The following SEMA6D variants were observed in gnomAD, a reference collection of about 807,000 sequenced individuals.
The protein encoded by SEMA6D is semaphorin 6D, also known as semaphorin-6D.
In SEMA6D, 35 loss-of-function variants were observed where a neutral mutation model predicts 106.6. The ratio of observed to expected loss-of-function variants is 0.33; its 90% confidence interval spans 0.25 to 0.44. The LOEUF (loss-of-function observed/expected upper bound fraction) is 0.44. SEMA6D is among the 20% of genes least tolerant of loss of function. SEMA6D has a pLI of 1.00. For synonymous variants in SEMA6D, 499 were observed against 487.7 expected (o/e 1.02, Z -0.31); for missense variants, 1,185 against 1,345.9 (o/e 0.88, Z 1.87).
At chr15:47,698,294 G>A (rs1357749753) in intron 4 of SEMA6D, among the ~76,000 whole-genome samples, 17 of 152,076 alleles carry the variant, frequency 1.1e-4, no homozygotes, top group Non-Finnish European at 2.4e-4. Context: ...ACCAATAAAA[G>A]AGATGAGAAA....
chr15:47,485,360 A>G (rs2043268287), intron 3 of SEMA6D, among the ~76,000 whole-genome samples: 1 of 151,950 alleles, frequency 6.6e-6, no homozygotes, highest in African/African-American at 2.4e-5. Flanking sequence ...GAAGTAGTTA[A>G]TATTTCAGAA....
At chr15:47,751,393 T>C (rs2081426335) in intron 1 of SEMA6D, among the ~76,000 whole-genome samples, 1 of 152,186 alleles carries the variant, frequency 6.6e-6, no homozygotes, top group East Asian at 1.9e-4. Flanking sequence ...TGCTCCTTTT[T>C]TGTTTAGTCT....
At chr15:47,422,164 G>T (rs1396390724) in intron 2 of SEMA6D, among the ~76,000 whole-genome samples, 1 of 94,480 alleles carries the variant, frequency 1.1e-5, no homozygotes, top group Non-Finnish European at 2.4e-5. Flanking sequence ...CTTATTTTTT[G>T]CCCGCCCGCC....
At chr15:47,637,989 G>A (rs1171434121) in intron 4 of SEMA6D, among the ~76,000 whole-genome samples, 1 of 152,102 alleles carries the variant, frequency 6.6e-6, no homozygotes, top group African/African-American at 2.4e-5. Context: ...CAGATTACCT[G>A]GAGCATATAT....
chr15:47,241,996 G>C (rs1325212502), intron 1 of SEMA6D, among the ~76,000 whole-genome samples: 3 of 152,108 alleles, frequency 2.0e-5, no homozygotes, highest in East Asian at 1.9e-4. Flanking sequence ...TCTGGAGTAA[G>C]GCAGTCACGG....
At chr15:47,465,452 A>C (rs1358563502) in intron 2 of SEMA6D, among the ~76,000 whole-genome samples, 2 of 152,190 alleles carry the variant, frequency 1.3e-5, no homozygotes, top group Admixed American at 6.5e-5. Context: ...TAACTTATAA[A>C]GGGGAAAGGT....
At position 47,689,819 on chromosome 15, in the gene SEMA6D, C is replaced by G. The variant is rs140777395; in HGVS notation, c.-54-69926C>G. The stretch of plus-strand genomic sequence containing the variant: ...GGCATGTCTCTCCGCAGAGGACTGA[C>G]TTCCATGACAGTCTGATGAAATGAG... On this transcript the variant is annotated intron_variant, in intron 4 of 19. Transcript: ENST00000558014. Among the ~76,000 whole-genome samples, 751 of 152,322 alleles carry G rather than the reference C, an allele frequency of 4.9e-3. 4 individuals carry two copies. Among genetic ancestry groups the G allele is most frequent in the African/African-American group, 0.017 (707 of 41,578 alleles).
chr15:47,300,132 T>C (rs2142989385), intron 1 of SEMA6D, among the ~76,000 whole-genome samples: 1 of 152,300 alleles, frequency 6.6e-6, no homozygotes, highest in East Asian at 1.9e-4. Flanking sequence ...TGGGAGCAGC[T>C]TTGTCCTGCC....
chr15:47,202,763 A>G (rs62017391), intron 1 of SEMA6D, among the ~76,000 whole-genome samples: 1,854 of 152,122 alleles, frequency 0.012, 43 homozygotes, highest in Admixed American at 0.012. Context: ...ACGCCCCTCA[A>G]TTGAATTTGT....
At chr15:47,433,170 T>C (rs1299804994) in intron 2 of SEMA6D, among the ~76,000 whole-genome samples, 1 of 152,070 alleles carries the variant, frequency 6.6e-6, no homozygotes, top group East Asian at 1.9e-4. Flanking sequence ...TTCTAGACAT[T>C]GTCACTTTCT....
intron 4 of SEMA6D, among the ~76,000 whole-genome samples, chr15:47,704,958 T>A (rs7168980): frequency 0.011 from 1,689 of 152,198 alleles, 28 homozygotes; most frequent in African/African-American, 0.039. Context: ...AAGTTTTTTT[T>A]AAAAAAGGTT....
At chr15:47,629,787 G>A (rs2077262565) in intron 4 of SEMA6D, among the ~76,000 whole-genome samples, 1 of 151,802 alleles carries the variant, frequency 6.6e-6, no homozygotes, top group Admixed American at 6.6e-5. Context: ...ATTTATGAGT[G>A]AGAATGTATA....
At chr15:47,418,751 C>G (rs281217) in intron 2 of SEMA6D, among the ~76,000 whole-genome samples, 95,322 of 151,758 alleles carry the variant, frequency 0.63, 30,401 homozygotes, top group Middle Eastern at 0.69. Flanking sequence ...ATTACTTCAG[C>G]AAGAGAGGAT....
At chr15:47,731,453 A>G (rs749335391) in intron 1 of SEMA6D, among the ~76,000 whole-genome samples, 21 of 152,334 alleles carry the variant, frequency 1.4e-4, no homozygotes, top group Admixed American at 7.2e-4. Flanking sequence ...ACAAAGAGAA[A>G]GAGAATGCCT....
intron 3 of SEMA6D, among the ~76,000 whole-genome samples, chr15:47,576,942 A>G (rs1207717502): frequency 6.6e-6 from 1 of 152,196 alleles, no homozygotes; most frequent in Non-Finnish European, 1.5e-5. Context: ...GTGTACCTAC[A>G]GAAATACATC....
At chr15:47,763,313 T>C (rs1047763095) in intron 9 of SEMA6D, among the ~76,000 whole-genome samples, 2 of 152,042 alleles carry the variant, frequency 1.3e-5, no homozygotes, top group African/African-American at 2.4e-5. Context: ...CAGCCTTGAG[T>C]TTTGAGAAGG....
At position 47,683,077 on chromosome 15, in the gene SEMA6D, A is replaced by G. The variant is rs553307370; in HGVS notation, c.-54-76668A>G. Among the ~76,000 whole-genome samples the G allele has an allele frequency of 2.6e-5, 4 of 152,324 alleles. No individual in the cohort carries two copies. In the East Asian group the frequency reaches 7.7e-4, roughly 29 times the overall value. On this transcript the variant is annotated intron_variant, in intron 4 of 19. Transcript: ENST00000558014. ...TGCACATATTTTTTATATTTTTTAT[A>G]GATTTGGGGGTACATATGAAGGTTT... is the stretch of plus-strand genomic sequence containing the variant.
chr15:47,772,357 C>CCTGTGTGT lies in SEMA6D; in HGVS notation c.*572_*573insCTGTGTGT, dbSNP rs369451587. ...CACCAACAAACTTGTTGTGTGTGTG[C>CCTGTGTGT]GTGTGTGTGTGTGTGTGTGTGTGTG... is the stretch of plus-strand genomic sequence containing the variant. On this transcript the variant is annotated 3_prime_UTR_variant, in exon 19 of 19. Transcript: ENST00000536845. 6 of 141,638 alleles carry CCTGTGTGT rather than the reference C, an allele frequency of 4.2e-5. No individual in the cohort carries two copies. In the East Asian group the frequency reaches 1.2e-3, roughly 29 times the overall value. 8.8% of individuals were successfully genotyped at this position (141,638 alleles called of 1,614,324 possible).
At chr15:47,703,943 T>G (rs1295598780) in intron 4 of SEMA6D, among the ~76,000 whole-genome samples, 1 of 152,116 alleles carries the variant, frequency 6.6e-6, no homozygotes, top group East Asian at 1.9e-4. Context: ...TCACAGTACA[T>G]GGGGGTGTGT....
Sources: gnomAD v4.1 joint callset for allele counts (sites outside exome capture counted in the v4.1 genomes callset) on GRCh38, gnomAD v4.1.1 for gene constraint, MANE v1.5 for transcripts, NCBI Gene and HGNC (gene_info 2026-07-23, HGNC 2026-07-21) for gene names.